The following KPNA4 variants were observed in gnomAD, a reference collection of about 807,000 sequenced individuals.
KPNA4 encodes the protein importin subunit alpha-3.
KPNA4 carries 13 observed loss-of-function variants against 71.3 expected under a neutral mutation model. That is an observed-to-expected ratio of 0.18 (90% CI 0.12 to 0.29). The LOEUF (loss-of-function observed/expected upper bound fraction) is 0.29, where lower values mean the gene tolerates loss of function less well. KPNA4 is among the 10% of genes least tolerant of loss of function. The pLI is 1.00. For synonymous variants in KPNA4, 189 were observed against 195.2 expected (o/e 0.97, Z 0.26); for missense variants, 334 against 603.2 (o/e 0.55, Z 4.67).
At chr3:160,525,213 A>G (rs991442971) in intron 10 of KPNA4, among the ~76,000 whole-genome samples, 9 of 152,104 alleles carry the variant, frequency 5.9e-5, no homozygotes, top group African/African-American at 2.2e-4. Flanking sequence ...TGTTGTTTGG[A>G]TAATCAAGTT....
chr3:160,506,500 GCCT>G (rs912078817), intron 15 of KPNA4, among the ~76,000 whole-genome samples: 8 of 151,812 alleles, frequency 5.3e-5, no homozygotes, highest in African/African-American at 1.7e-4. Flanking sequence ...GTCTCTTCCT[GCCT>G]CCTTTCTCCA....
chr3:160,503,158 G>A (rs563592329), intron 16 of KPNA4, among the ~76,000 whole-genome samples: 15 of 151,436 alleles, frequency 9.9e-5, no homozygotes, highest in African/African-American at 2.2e-4. Flanking sequence ...AAAAAACCCC[G>A]GGCAAGTACA....
chr3:160,520,040 T>C (rs1211902876), intron 11 of KPNA4, among the ~76,000 whole-genome samples: 2 of 152,130 alleles, frequency 1.3e-5, no homozygotes, highest in Non-Finnish European at 2.9e-5. Context: ...CTTTGAGCAC[T>C]GGCTAAAGGT....
At chr3:160,543,805 C>T (rs1043857970) in intron 1 of KPNA4, among the ~76,000 whole-genome samples, 1 of 152,060 alleles carries the variant, frequency 6.6e-6, no homozygotes, top group Admixed American at 6.6e-5. Context: ...TCATATCTTG[C>T]ACTTCTCTTG....
intron 1 of KPNA4, among the ~76,000 whole-genome samples, chr3:160,559,224 T>A (rs752848988): frequency 8.5e-5 from 13 of 152,180 alleles, no homozygotes; most frequent in Non-Finnish European, 1.9e-4. Context: ...TTATAGCATT[T>A]ATTGCTAATG....
chr3:160,535,018 G>A (rs552059526), intron 5 of KPNA4, among the ~76,000 whole-genome samples: 58 of 151,734 alleles, frequency 3.8e-4, no homozygotes, highest in Non-Finnish European at 3.8e-4. Flanking sequence ...CACCTCGCCC[G>A]GCCGTCATTA....
At chr3:160,521,960 T>C in intron 10 of KPNA4, 50 bp from the exon 11 acceptor site, 1 of 1,512,164 alleles carries the variant, frequency 6.6e-7, no homozygotes. Context: ...TTTCTCATTT[T>C]AGTAATTCTT....
intron 1 of KPNA4, among the ~76,000 whole-genome samples, chr3:160,560,798 T>C (rs1167558817): frequency 6.6e-6 from 1 of 152,074 alleles, no homozygotes; most frequent in Non-Finnish European, 1.5e-5. Flanking sequence ...GAAACAGTCA[T>C]TTAATTCCTA....
In KPNA4 at chr3:160,559,836, C is replaced by T. The variant is rs903497726; in HGVS notation, c.69+5378G>A. Among the ~76,000 whole-genome samples, 3 of 151,934 alleles carry T rather than the reference C, an allele frequency of 2.0e-5. No homozygotes were observed. The East Asian group carries it at 5.8e-4, about 29-fold the overall frequency. ...GCTGTCTTAAGCCAAACATTAAGAC[C>T]CGAAAAAAAGGTTCAACATGGCCAT... On this transcript the variant is annotated intron_variant, in intron 1 of 16. Transcript: ENST00000334256.
Position 160,498,108 on chromosome 3 carries a change from T to C in KPNA4, c.*3996A>G. ...CTTTATTTGGCCCTTAGTAGCTGTG[T>C]GACCTTGGGCAAGTCACCTCAACAA... On this transcript the variant is annotated 3_prime_UTR_variant, in exon 17 of 17. Transcript: ENST00000334256. 6.6e-6 allele frequency: 1 copy of C among 152,198 alleles called. No individual in the cohort carries two copies. Among genetic ancestry groups the C allele is most frequent in the East Asian group, 1.9e-4 (1 of 5,200 alleles). The allele number at this position is 152,198 out of a possible 1,614,324, so 9.4% of individuals were successfully genotyped here.
rs969492793 is a variant in KPNA4, at chr3:160,502,363, G to GT, written c.1468-162dup. On this transcript the variant is annotated intron_variant, in intron 16 of 16. Transcript: ENST00000334256. ...AGAAAATTGAAACAGTTTATAGAAG[G>GT]TTTTTTTTTTCTTTCTTTCTTTTTT... Among the ~76,000 whole-genome samples the GT allele has an allele frequency of 2.6e-3, 388 of 148,838 alleles. 3 individuals carry two copies. The highest frequency in any genetic ancestry group is 4.6e-3 in the Non-Finnish European group (309 of 66,840).
At chr3:160,507,357 G>A (rs1343627577) in intron 15 of KPNA4, among the ~76,000 whole-genome samples, 5 of 152,004 alleles carry the variant, frequency 3.3e-5, no homozygotes, top group Non-Finnish European at 5.9e-5. Context: ...AAAATTAGCT[G>A]GGCGTGGTGG....
At chr3:160,528,160 A>C in intron 7 of KPNA4, 121 bp from the exon 8 acceptor site, 1 of 575,082 alleles carries the variant, frequency 1.7e-6, no homozygotes. Flanking sequence ...TTAAAATATA[A>C]CCTCATTAAA....
chr3:160,536,338 C>T (rs937563809), intron 2 of KPNA4, among the ~76,000 whole-genome samples: 5 of 151,982 alleles, frequency 3.3e-5, no homozygotes, highest in African/African-American at 9.7e-5. Flanking sequence ...CAATGTCTTA[C>T]AAAAATCAAG....
Position 160,500,099 on chromosome 3 carries a change from A to G in KPNA4, c.*2005T>C, listed in dbSNP as rs1560042051. 6.6e-6 allele frequency: 1 copy of G among 152,040 alleles called. No individual in the cohort carries two copies. Among genetic ancestry groups the G allele is most frequent in the Admixed American group, 6.6e-5 (1 of 15,238 alleles). 9.4% of individuals were successfully genotyped at this position (152,040 alleles called of 1,614,324 possible). A position where few individuals can be genotyped will look rare whatever the true frequency, so the allele number is the denominator to read the frequency against. On this transcript the variant is annotated 3_prime_UTR_variant, in exon 17 of 17. Coordinates refer to ENST00000334256, the MANE Select transcript of KPNA4 (RefSeq NM_002268.5). The stretch of plus-strand genomic sequence containing the variant: ...GGTAAAAAGACAGGAAGCTAATGTA[A>G]GCCATTGAATTATACTCTAACTTTA...
intron 13 of KPNA4, among the ~76,000 whole-genome samples, chr3:160,512,126 C>A (rs1721108307): frequency 6.6e-6 from 1 of 152,052 alleles, no homozygotes. Flanking sequence ...ACAATGATCA[C>A]CTTTATAGCT....
At chr3:160,517,203 A>C (rs1440546165) in intron 11 of KPNA4, among the ~76,000 whole-genome samples, 1 of 152,034 alleles carries the variant, frequency 6.6e-6, no homozygotes. Flanking sequence ...ACTTCATATT[A>C]ACAAAATCAA....
intron 10 of KPNA4, among the ~76,000 whole-genome samples, chr3:160,525,463 A>G (rs907857734): frequency 6.6e-6 from 1 of 152,222 alleles, no homozygotes; most frequent in Admixed American, 6.5e-5. Context: ...ACATGATCTT[A>G]GTAAGAGAAA....
At chr3:160,555,167 G>T (rs1276007143) in intron 1 of KPNA4, among the ~76,000 whole-genome samples, 1 of 152,160 alleles carries the variant, frequency 6.6e-6, no homozygotes, top group African/African-American at 2.4e-5. Context: ...CTGCTTAGCT[G>T]GTGTGTGGGG....
Sources: gnomAD v4.1 joint callset for allele counts (sites outside exome capture counted in the v4.1 genomes callset) on GRCh38, gnomAD v4.1.1 for gene constraint, MANE v1.5 for transcripts, NCBI Gene and HGNC (gene_info 2026-07-23, HGNC 2026-07-21) for gene names.